The following CEP162 variants were observed in gnomAD, a reference collection of about 807,000 sequenced individuals.
The protein encoded by CEP162 is centrosomal protein of 162 kDa.
CEP162 carries 141 observed loss-of-function variants against 169.2 expected under a neutral mutation model. The ratio of observed to expected loss-of-function variants is 0.83; its 90% CI spans 0.73 to 0.96. The LOEUF (loss-of-function observed/expected upper bound fraction) is 0.96. Among genes scored for constraint, CEP162 ranks in the 40% least tolerant of loss-of-function variants. The pLI, the probability that CEP162 is intolerant of heterozygous loss-of-function variation, is 0.00. For synonymous variants in CEP162, 540 were observed against 526.4 expected (o/e 1.03, Z -0.35); for missense variants, 1,600 against 1,587.2 (o/e 1.01, Z -0.14).
At chr6:84,220,904 A>G (rs534302540) in intron 3 of CEP162, 153 bp downstream of exon 3, 24 of 462,490 alleles carry the variant, frequency 5.2e-5, no homozygotes, top group Non-Finnish European at 8.5e-5. Context: ...TACATAATAA[A>G]GTACTGGTTA....
chr6:84,148,883 T>C (rs2099520067), intron 24 of CEP162, among the ~76,000 whole-genome samples: 1 of 152,118 alleles, frequency 6.6e-6, no homozygotes, highest in African/African-American at 2.4e-5. Context: ...TAGATAAAAG[T>C]CCTATTTTAA....
At chr6:84,180,921 C>A (rs1352921894) in intron 13 of CEP162, among the ~76,000 whole-genome samples, 1 of 152,118 alleles carries the variant, frequency 6.6e-6, no homozygotes, top group East Asian at 1.9e-4. Context: ...CCATACTGCC[C>A]AAGGTAATTT....
At chr6:84,174,354 G>A (rs533988238) in intron 15 of CEP162, among the ~76,000 whole-genome samples, 166 bp from the exon 16 acceptor site, 218 of 152,298 alleles carry the variant, frequency 1.4e-3, no homozygotes, top group African/African-American at 5.1e-3. Context: ...GTTTTGTGCT[G>A]ATGGTGCTGG....
intron 13 of CEP162, among the ~76,000 whole-genome samples, chr6:84,183,949 G>C (rs563643869): frequency 1.4e-3 from 217 of 152,024 alleles, no homozygotes; most frequent in African/African-American, 5.1e-3. Context: ...ATCCTCATGC[G>C]CATCTAATGA....
At position 84,175,207 on chromosome 6, in the gene CEP162, T is replaced by C; in HGVS notation, c.1797+7A>G. The C allele has an allele frequency of 6.7e-7, 1 of 1,496,550 alleles. No homozygotes were observed. The highest frequency in any genetic ancestry group is 9.0e-7 in the Non-Finnish European group (1 of 1,116,194). The allele number at this position is 1,496,550 out of a possible 1,614,324, so 92.7% of individuals were successfully genotyped here. The stretch of plus-strand genomic sequence containing the variant: ...AAACATTATGATTATTAATTTTGAA[T>C]ACCTACAGTCTGAAACTGAATACAG... On this transcript the variant is annotated splice_region_variant and intron_variant, in intron 14 of 26. Transcript: ENST00000403245.
Position 84,125,028 on chromosome 6 carries a change from T to C in CEP162, c.*42A>G. 1 of 1,445,794 alleles carries C rather than the reference T, an allele frequency of 6.9e-7. No homozygotes were observed. Among genetic ancestry groups the C allele is most frequent in the Non-Finnish European group, 9.6e-7 (1 of 1,036,362 alleles). 89.6% of individuals were successfully genotyped at this position (1,445,794 alleles called of 1,614,324 possible). On this transcript the variant is annotated 3_prime_UTR_variant, in exon 27 of 27. Transcript: ENST00000403245. Reference sequence around the variant, plus strand: ...TGACAGTGGCACAATCCCATCCATCTTCAGGCCTTTTAATAAGGTCATTAT... The same window carrying C: ...TGACAGTGGCACAATCCCATCCATCCTCAGGCCTTTTAATAAGGTCATTAT...
chr6:84,172,054 C>T (rs1456041402), intron 16 of CEP162, among the ~76,000 whole-genome samples: 1 of 152,020 alleles, frequency 6.6e-6, no homozygotes, highest in African/African-American at 2.4e-5. Flanking sequence ...TGTGTGGACC[C>T]GGGTGGAAAG....
chr6:84,166,833 TTTG>T (rs1408670303), intron 18 of CEP162, among the ~76,000 whole-genome samples: 1 of 152,210 alleles, frequency 6.6e-6, no homozygotes. Flanking sequence ...ACATGATTAT[TTTG>T]TTGATTTATC....
intron 2 of CEP162, among the ~76,000 whole-genome samples, chr6:84,222,209 C>T (rs146933003): frequency 3.0e-4 from 45 of 152,240 alleles, no homozygotes; most frequent in Middle Eastern, 3.4e-3. Flanking sequence ...CAAAGGCCTC[C>T]GAAATGCCAC....
chr6:84,163,105 A>G (rs374193456), intron 19 of CEP162, 39 bp downstream of exon 19: 2 of 1,597,184 alleles, frequency 1.3e-6, no homozygotes, highest in Non-Finnish European at 1.7e-6. Flanking sequence ...TAGAACAGTT[A>G]TGATTATAAA....
At chr6:84,135,780 T>C (rs911580650) in intron 25 of CEP162, among the ~76,000 whole-genome samples, 2 of 152,134 alleles carry the variant, frequency 1.3e-5, no homozygotes, top group Non-Finnish European at 2.9e-5. Flanking sequence ...TAAGAATCAC[T>C]TGAATGAGGG....
intron 16 of CEP162, among the ~76,000 whole-genome samples, chr6:84,172,658 G>A (rs1320387306): frequency 2.0e-5 from 3 of 152,132 alleles, no homozygotes; most frequent in Non-Finnish European, 2.9e-5. Flanking sequence ...ACTGGCAGAA[G>A]AATTTGAATG....
chr6:84,197,267 G>C (rs1292089871), intron 9 of CEP162, among the ~76,000 whole-genome samples: 3 of 151,886 alleles, frequency 2.0e-5, no homozygotes, highest in Non-Finnish European at 2.9e-5. Context: ...AAAAAAGGAG[G>C]TAGGAGAGGC....
intron 2 of CEP162, 101 bp from the exon 3 acceptor site, chr6:84,221,272 C>G (rs2127756689): frequency 1.6e-6 from 1 of 612,492 alleles, no homozygotes; most frequent in South Asian, 2.1e-5. Context: ...CACAGTTCAG[C>G]TATCACATAG....
rs144715551 is a variant in CEP162, at chr6:84,188,448, G to A, written c.1110-1825C>T. 3.4e-3 allele frequency among the ~76,000 whole-genome samples: 521 copies of A among 152,220 alleles called. 3 individuals are homozygous for A. The highest frequency in any genetic ancestry group is 0.012 in the African/African-American group (480 of 41,544). On this transcript the variant is annotated intron_variant, in intron 11 of 26. Transcript: ENST00000403245. ...ATCTCTCTGTCCATATGTACTTGAT[G>A]TTTAGCTCCCACTGATAAGTGAGAA...
chr6:84,147,396 T>G (rs1050735597), intron 24 of CEP162, among the ~76,000 whole-genome samples: 1 of 152,042 alleles, frequency 6.6e-6, no homozygotes, highest in Non-Finnish European at 1.5e-5. Context: ...GTTAGATAGA[T>G]GAAATAAGTT....
intron 25 of CEP162, among the ~76,000 whole-genome samples, chr6:84,145,933 T>G (rs1431025153): frequency 1.3e-5 from 2 of 152,132 alleles, no homozygotes; most frequent in Non-Finnish European, 2.9e-5. Flanking sequence ...TTCTTTTGTT[T>G]CCATAGAAAT....
At chr6:84,206,434 A>G (rs973883469) in intron 6 of CEP162, among the ~76,000 whole-genome samples, 3 of 152,194 alleles carry the variant, frequency 2.0e-5, no homozygotes, top group African/African-American at 7.2e-5. Flanking sequence ...CAACTATCTG[A>G]TCTTTGACAA....
chr6:84,175,157 A>C (rs1455982175), intron 14 of CEP162, 57 bp downstream of exon 14: 1 of 1,152,570 alleles, frequency 8.7e-7, no homozygotes, highest in African/African-American at 1.6e-5. Flanking sequence ...TATATAATTT[A>C]GTTTTAATAT....
Sources: allele counts gnomAD v4.1 joint callset (sites outside exome capture counted in the v4.1 genomes callset), GRCh38; gene constraint gnomAD v4.1.1; transcripts MANE v1.5; gene names NCBI Gene and HGNC (gene_info 2026-07-23, HGNC 2026-07-21).